The following C12orf42 variants were observed in gnomAD, a reference collection of about 807,000 sequenced individuals.
C12orf42 encodes the protein chromosome 12 open reading frame 42.
A neutral mutation model predicts 21.6 loss-of-function variants in C12orf42; 25 were observed. The ratio of observed to expected loss-of-function variants is 1.16; its 90% confidence interval spans 0.84 to 1.62. The LOEUF (loss-of-function observed/expected upper bound fraction) is 1.62, where lower values mean the gene tolerates loss of function less well. C12orf42 is among the 40% of genes most tolerant of loss of function. C12orf42 has a pLI of 0.00. For missense variants in C12orf42, 483 were observed against 459.3 expected (o/e 1.05, Z -0.47); for synonymous variants, 174 against 175.0 (o/e 0.99, Z 0.05).
intron 4 of C12orf42, among the ~76,000 whole-genome samples, chr12:103,293,510 A>G (rs1014830083): frequency 6.6e-6 from 1 of 152,130 alleles, no homozygotes; most frequent in African/African-American, 2.4e-5. Context: ...AATCAAGTTC[A>G]AATTCTTCTA....
intron 4 of C12orf42, among the ~76,000 whole-genome samples, chr12:103,336,427 G>A (rs1220482895): frequency 2.0e-5 from 3 of 152,176 alleles, no homozygotes; most frequent in African/African-American, 7.2e-5. Flanking sequence ...CTTCACCACT[G>A]ACTAGCTCTC....
the C12orf42 span, among the ~76,000 whole-genome samples, chr12:103,158,054 C>T: frequency 6.6e-6 from 1 of 151,986 alleles, no homozygotes; most frequent in African/African-American, 2.4e-5. Flanking sequence ...TATTAAGAAA[C>T]AATAAAAAAG....
intron 3 of C12orf42, chr12:103,378,654 G>A (rs1355543516): frequency 6.6e-6 from 1 of 152,196 alleles, no homozygotes; most frequent in Non-Finnish European, 1.5e-5. Context: ...CTAACACACG[G>A]CTTGGCAGAG....
downstream of C12orf42, among the ~76,000 whole-genome samples, chr12:103,298,444 C>G (rs369052596): frequency 9.2e-5 from 14 of 152,170 alleles, no homozygotes; most frequent in Non-Finnish European, 1.3e-4. Flanking sequence ...CACTGTTCAA[C>G]GAAATCAAAG....
At chr12:103,434,043 A>AT (rs1414592732) in intron 2 of C12orf42, among the ~76,000 whole-genome samples, 2 of 151,936 alleles carry the variant, frequency 1.3e-5, no homozygotes, top group East Asian at 3.8e-4. Flanking sequence ...GTTTTGTTTT[A>AT]TTTTTTTAAA....
chr12:103,306,438 T>A, intron 4 of C12orf42, 93 bp from the exon 5 acceptor site: 1 of 1,415,988 alleles, frequency 7.1e-7, no homozygotes, highest in Non-Finnish European at 9.3e-7. Flanking sequence ...TATGTAAACT[T>A]TTGGTTGTTT....
chr12:103,253,973 T>C (rs887458096), intron 10 of C12orf42, among the ~76,000 whole-genome samples: 7 of 152,176 alleles, frequency 4.6e-5, no homozygotes, highest in African/African-American at 1.7e-4. Flanking sequence ...AGAAGCTCTT[T>C]AGTTTAATTA....
the C12orf42 span, among the ~76,000 whole-genome samples, chr12:103,181,548 G>A: frequency 3.3e-5 from 5 of 152,192 alleles, no homozygotes; most frequent in Non-Finnish European, 7.3e-5. Flanking sequence ...GTTTCAGTTT[G>A]AAACACCAGT....
chr12:103,221,890 G>A, the C12orf42 span, among the ~76,000 whole-genome samples: 1 of 152,144 alleles, frequency 6.6e-6, no homozygotes, highest in Non-Finnish European at 1.5e-5. Context: ...TTGAAGACAG[G>A]ATTTGTCTTC....
chr12:103,104,733 G>A, the C12orf42 span, among the ~76,000 whole-genome samples: 7 of 152,242 alleles, frequency 4.6e-5, no homozygotes, highest in South Asian at 2.1e-4. Flanking sequence ...GCGCCTGGCC[G>A]GGTTTTCCAT....
chr12:103,437,267 G>A (rs2139464966), intron 2 of C12orf42, among the ~76,000 whole-genome samples: 1 of 152,188 alleles, frequency 6.6e-6, no homozygotes, highest in South Asian at 2.1e-4. Context: ...TGTGTAGAGG[G>A]AAATTTATAG....
the C12orf42 span, among the ~76,000 whole-genome samples, chr12:103,060,998 G>A: frequency 4.8e-4 from 73 of 152,120 alleles, 1 homozygote; most frequent in Admixed American, 4.0e-3. Context: ...TAAGGATCTG[G>A]CACAGCAAGA....
chr12:103,207,212 A>T, the C12orf42 span, among the ~76,000 whole-genome samples: 1 of 152,190 alleles, frequency 6.6e-6, no homozygotes, highest in Non-Finnish European at 1.5e-5. Flanking sequence ...GCTGACCCAG[A>T]TAGAAATATA....
chr12:103,056,750 A>G, the C12orf42 span, among the ~76,000 whole-genome samples: 20 of 152,040 alleles, frequency 1.3e-4, no homozygotes, highest in African/African-American at 4.6e-4. Flanking sequence ...ACATCCGTTG[A>G]GTTTTTCAAA....
chr12:103,286,548 CATAGTAA>C lies in C12orf42; in HGVS notation n.338-9345_338-9339del, dbSNP rs1230616435. ...CAACTGCTTAGCAGAGGGCCTAGCACATAGTAAATAATCAGTATACTTTAGCCATTAT... is the reference window on the plus strand; with the variant it reads ...CAACTGCTTAGCAGAGGGCCTAGCACATAATCAGTATACTTTAGCCATTAT... On this transcript the variant is annotated intron_variant and non_coding_transcript_variant, in intron 4 of 6. Coordinates refer to the C12orf42 transcript ENST00000546526. Among the ~76,000 whole-genome samples the C allele has an allele frequency of 3.3e-5, 5 of 151,298 alleles. No homozygotes were observed. The East Asian group carries it at 9.7e-4, about 29-fold the overall frequency.
At chr12:103,084,452 A>G in the C12orf42 span, among the ~76,000 whole-genome samples, 1 of 152,130 alleles carries the variant, frequency 6.6e-6, no homozygotes. Flanking sequence ...GGTTTGTTAG[A>G]TAGGTATACA....
chr12:103,555,993 G>C, the C12orf42 span, among the ~76,000 whole-genome samples: 1 of 152,114 alleles, frequency 6.6e-6, no homozygotes, highest in African/African-American at 2.4e-5. Context: ...TTGGAAGTCA[G>C]TCCCCTACAC....
At chr12:103,257,504 C>T (rs2034672361) in intron 10 of C12orf42, among the ~76,000 whole-genome samples, 1 of 151,598 alleles carries the variant, frequency 6.6e-6, no homozygotes, top group South Asian at 2.1e-4. Flanking sequence ...GTATACAAGA[C>T]ATGAAGAAGC....
At chr12:103,452,837 G>C (rs1952036899) in intron 2 of C12orf42, among the ~76,000 whole-genome samples, 1 of 151,902 alleles carries the variant, frequency 6.6e-6, no homozygotes, top group Non-Finnish European at 1.5e-5. Flanking sequence ...GAGAACACTT[G>C]GACACAGGAA....
Sources: gnomAD v4.1 joint callset for allele counts (sites outside exome capture counted in the v4.1 genomes callset) on GRCh38, gnomAD v4.1.1 for gene constraint, MANE v1.5 for transcripts, NCBI Gene and HGNC (gene_info 2026-07-23, HGNC 2026-07-21) for gene names.